The following IGF2BP2 variants were observed in gnomAD, a reference collection of about 807,000 sequenced individuals.
The protein encoded by IGF2BP2 is insulin-like growth factor 2 mRNA-binding protein 2.
A neutral mutation model predicts 75.8 loss-of-function variants in IGF2BP2; 17 were observed. The ratio of observed to expected loss-of-function variants is 0.22; its 90% CI spans 0.15 to 0.34. IGF2BP2 has a LOEUF of 0.34. Among genes scored for constraint, IGF2BP2 ranks in the 10% least tolerant of loss-of-function variants. The pLI, the probability that IGF2BP2 is intolerant of heterozygous loss-of-function variation, is 1.00. For missense variants in IGF2BP2, 516 were observed against 772.4 expected, an observed-to-expected ratio of 0.67 and a Z score of 3.93; for synonymous variants, 288 against 295.6, an observed-to-expected ratio of 0.97 and a Z score of 0.26.
rs561921966 is a variant in IGF2BP2, at chr3:185,697,259, C to T, written c.289-596G>A. ...TAGCTGGGACTACAGATGCCTGTCA[C>T]CATGCCTGGCTAATTTTTGTATTTT... On this transcript the variant is annotated intron_variant, in intron 3 of 15. Coordinates refer to ENST00000382199, the MANE Select transcript of IGF2BP2 (RefSeq NM_006548.6). Among the ~76,000 whole-genome samples, 261 of 152,242 alleles carry T rather than the reference C, an allele frequency of 1.7e-3. 1 individual carries two copies. Among genetic ancestry groups the T allele is most frequent in the Non-Finnish European group, 2.1e-3 (144 of 68,032 alleles).
chr3:185,776,818 T>C (rs1308456102), intron 2 of IGF2BP2, among the ~76,000 whole-genome samples: 1 of 152,234 alleles, frequency 6.6e-6, no homozygotes, highest in Non-Finnish European at 1.5e-5. Context: ...CAACAACAAC[T>C]TTCTCAAACA....
intron 2 of IGF2BP2, among the ~76,000 whole-genome samples, chr3:185,765,226 TC>T (rs2149713918): frequency 6.6e-6 from 1 of 152,104 alleles, no homozygotes; most frequent in African/African-American, 2.4e-5. Flanking sequence ...ACACACTGTT[TC>T]CCCCTCCGTC....
chr3:185,650,856 G>A (rs1714481888), intron 13 of IGF2BP2, among the ~76,000 whole-genome samples: 1 of 152,158 alleles, frequency 6.6e-6, no homozygotes, highest in Non-Finnish European at 1.5e-5. Context: ...TCTACTTTCT[G>A]TCTCTAGGGA....
chr3:185,714,351 T>C (rs1001407744), intron 2 of IGF2BP2, among the ~76,000 whole-genome samples: 3 of 152,352 alleles, frequency 2.0e-5, no homozygotes, highest in Admixed American at 2.0e-4. Context: ...AGTAAGTAAA[T>C]GCTGCAATGA....
intron 2 of IGF2BP2, among the ~76,000 whole-genome samples, chr3:185,736,564 A>G (rs1270583747): frequency 1.3e-5 from 2 of 152,120 alleles, no homozygotes; most frequent in African/African-American, 4.8e-5. Context: ...TGGGGATGAC[A>G]TTTCCTCCAC....
intron 3 of IGF2BP2, among the ~76,000 whole-genome samples, 187 bp from the exon 4 acceptor site, chr3:185,696,850 T>C (rs771417803): frequency 2.8e-4 from 42 of 152,206 alleles, no homozygotes; most frequent in Admixed American, 7.2e-4. Context: ...GGGACCTACA[T>C]TGGCTTATTG....
chr3:185,691,087 T>C (rs1229200863), intron 5 of IGF2BP2, among the ~76,000 whole-genome samples: 3 of 152,018 alleles, frequency 2.0e-5, no homozygotes, highest in Non-Finnish European at 4.4e-5. Flanking sequence ...AAATGAACTA[T>C]TACCTTTTTC....
At chr3:185,821,870 T>C (rs1741424533) in intron 2 of IGF2BP2, among the ~76,000 whole-genome samples, 1 of 152,110 alleles carries the variant, frequency 6.6e-6, no homozygotes, top group African/African-American at 2.4e-5. Flanking sequence ...AATATTATTT[T>C]AAAGAAAAGT....
At chr3:185,708,490 A>C (rs1292350447) in intron 2 of IGF2BP2, among the ~76,000 whole-genome samples, 1 of 152,236 alleles carries the variant, frequency 6.6e-6, no homozygotes, top group East Asian at 1.9e-4. Flanking sequence ...GATTTACTTA[A>C]ATATAAATGC....
intron 14 of IGF2BP2, among the ~76,000 whole-genome samples, chr3:185,649,039 T>C (rs1714100387): frequency 1.3e-5 from 2 of 151,756 alleles, no homozygotes; most frequent in Admixed American, 1.3e-4. Flanking sequence ...CCAATTTTAA[T>C]GGCTGCTACA....
At chr3:185,669,461 T>C (rs1011462626) in intron 10 of IGF2BP2, among the ~76,000 whole-genome samples, 1 of 151,962 alleles carries the variant, frequency 6.6e-6, no homozygotes, top group Non-Finnish European at 1.5e-5. Context: ...TGCTTCTTTT[T>C]TAGGATCAGA....
intron 10 of IGF2BP2, among the ~76,000 whole-genome samples, chr3:185,660,779 A>T (rs1368984646): frequency 6.6e-6 from 1 of 152,224 alleles, no homozygotes; most frequent in African/African-American, 2.4e-5. Flanking sequence ...GAGCTGGGGG[A>T]GAATTCATGC....
intron 7 of IGF2BP2, among the ~76,000 whole-genome samples, chr3:185,677,192 G>A (rs1719689956): frequency 6.6e-6 from 1 of 150,942 alleles, no homozygotes; most frequent in South Asian, 2.1e-4. Flanking sequence ...GAGCAAAGGG[G>A]AGGAAACCCT....
chr3:185,693,256 G>A (rs1177662875), intron 4 of IGF2BP2: 1 of 152,434 alleles, frequency 6.6e-6, no homozygotes, highest in Non-Finnish European at 1.5e-5. Flanking sequence ...AAGTAATGCA[G>A]TAAAAGAACA....
At chr3:185,755,159 G>T in intron 2 of IGF2BP2, among the ~76,000 whole-genome samples, 1 of 152,340 alleles carries the variant, frequency 6.6e-6, no homozygotes, top group East Asian at 1.9e-4. Context: ...AAGGAGGAAA[G>T]AACGGTTTAG....
chr3:185,804,659 G>A (rs7640744), intron 2 of IGF2BP2, among the ~76,000 whole-genome samples: 49,689 of 151,688 alleles, frequency 0.33, 8,712 homozygotes, highest in African/African-American at 0.46. Context: ...TCCCTTTACC[G>A]CAACTAGCTT....
At chr3:185,655,737 G>A (rs1207491333) in intron 12 of IGF2BP2, among the ~76,000 whole-genome samples, 6 of 152,204 alleles carry the variant, frequency 3.9e-5, no homozygotes, top group Non-Finnish European at 7.3e-5. Context: ...AGGCCCTGCT[G>A]GGAATGATTC....
chr3:185,717,395 T>C (rs561946297), intron 2 of IGF2BP2: 100 of 153,304 alleles, frequency 6.5e-4, no homozygotes, highest in Admixed American at 1.3e-3. Flanking sequence ...CTTCCTCCCA[T>C]AGATATGATG....
intron 10 of IGF2BP2, among the ~76,000 whole-genome samples, chr3:185,669,559 T>TA (rs1173087336): frequency 0.047 from 1,943 of 41,376 alleles, 33 homozygotes; most frequent in African/African-American, 0.09. Context: ...AGAAAAACAG[T>TA]AAAAAAAAAA....
Sources: allele counts gnomAD v4.1 joint callset (sites outside exome capture counted in the v4.1 genomes callset), GRCh38; gene constraint gnomAD v4.1.1; transcripts MANE v1.5; gene names NCBI Gene and HGNC (gene_info 2026-07-23, HGNC 2026-07-21).